KLHL3: variants seen among roughly 807,000 people sequenced by gnomAD.
KLHL3 encodes the protein kelch-like protein 3.
Under a neutral mutation model 70.5 loss-of-function variants are expected in KLHL3, and 19 were observed. The ratio of observed to expected loss-of-function variants is 0.27; its 90% CI spans 0.19 to 0.40. KLHL3 has a LOEUF of 0.40. Ranked by LOEUF, KLHL3 falls within the 10% of genes least tolerant of loss-of-function variation. The pLI is 1.00. For synonymous variants in KLHL3, 258 were observed against 290.3 expected (o/e 0.89, Z 1.13); for missense variants, 512 against 771.1 (o/e 0.66, Z 3.98).
chr5:137,692,496 C>A, intron 4 of KLHL3, 49 bp from the exon 5 acceptor site: 1 of 1,558,460 alleles, frequency 6.4e-7, no homozygotes. Flanking sequence ...CTGGCAGAGA[C>A]TCATCTGCCT....
chr5:137,683,793 C>CAT (rs1357577701), intron 5 of KLHL3, among the ~76,000 whole-genome samples: 2 of 151,702 alleles, frequency 1.3e-5, no homozygotes, highest in Non-Finnish European at 2.9e-5. Flanking sequence ...CTCACACACA[C>CAT]ACATGCACGC....
chr5:137,625,933 C>G (rs1750450118), intron 13 of KLHL3, 37 bp from the exon 14 acceptor site: 2 of 1,613,472 alleles, frequency 1.2e-6, no homozygotes, highest in East Asian at 2.2e-5. Flanking sequence ...GACATCACAG[C>G]AGGTGCACTA....
At chr5:137,671,335 T>C (rs1751753345) in intron 6 of KLHL3, among the ~76,000 whole-genome samples, 1 of 152,150 alleles carries the variant, frequency 6.6e-6, no homozygotes, top group Admixed American at 6.5e-5. Flanking sequence ...TACAACAACC[T>C]GGAATAAAAT....
intron 8 of KLHL3, among the ~76,000 whole-genome samples, chr5:137,644,117 G>T (rs1475970010): frequency 6.6e-6 from 1 of 152,100 alleles, no homozygotes; most frequent in Non-Finnish European, 1.5e-5. Flanking sequence ...CACCAAGGCT[G>T]AAGTGCAATG....
intron 8 of KLHL3, 33 bp from the exon 9 acceptor site, chr5:137,640,010 A>G: frequency 6.3e-7 from 1 of 1,582,164 alleles, no homozygotes; most frequent in Non-Finnish European, 8.7e-7. Context: ...TAGCGGGGTC[A>G]CCCCAAAATC....
intron 5 of KLHL3, among the ~76,000 whole-genome samples, chr5:137,683,017 A>C (rs541242914): frequency 6.6e-6 from 1 of 152,326 alleles, no homozygotes; most frequent in East Asian, 1.9e-4. Context: ...AATATATGTA[A>C]AATGCTTAGA....
At chr5:137,678,389 T>C (rs994911133) in intron 5 of KLHL3, among the ~76,000 whole-genome samples, 8 of 152,236 alleles carry the variant, frequency 5.3e-5, no homozygotes, top group Admixed American at 3.9e-4. Flanking sequence ...CCTGACATTT[T>C]TCCAGGCCAT....
At chr5:137,723,829 C>T (rs1324418418) in intron 1 of KLHL3, among the ~76,000 whole-genome samples, 1 of 152,164 alleles carries the variant, frequency 6.6e-6, no homozygotes, top group African/African-American at 2.4e-5. Flanking sequence ...AATGTTCCCC[C>T]ATTATGTATG....
intron 7 of KLHL3, 60 bp downstream of exon 7, chr5:137,661,855 T>C (rs759673581): frequency 6.4e-6 from 6 of 943,992 alleles, no homozygotes; most frequent in East Asian, 2.4e-5. Flanking sequence ...GGATTGCCCA[T>C]TGCTATTCCT....
chr5:137,677,791 AAGAC>A (rs1490192195), intron 5 of KLHL3, 137 bp from the exon 6 acceptor site: 1 of 508,914 alleles, frequency 2.0e-6, no homozygotes, highest in Non-Finnish European at 3.4e-6. Context: ...GAGTGAAACA[AAGAC>A]AGAGACATCA....
At chr5:137,689,861 C>T (rs1752273513) in intron 5 of KLHL3, among the ~76,000 whole-genome samples, 1 of 152,164 alleles carries the variant, frequency 6.6e-6, no homozygotes. Flanking sequence ...ACTCCCCAAA[C>T]CTCAGACAAC....
In KLHL3 at chr5:137,713,805, T is replaced by C. The variant is rs946424390; in HGVS notation, c.135-3949A>G. Among the ~76,000 whole-genome samples, 21 of 152,202 alleles carry C rather than the reference T, an allele frequency of 1.4e-4. 1 individual carries two copies. The highest frequency in any genetic ancestry group is 6.3e-3 in the Middle Eastern group (2 of 316). On this transcript the variant is annotated intron_variant, in intron 2 of 14. Transcript: ENST00000309755. ...CCTGATAATGAGCTTGTATCTAGAA[T>C]ATGTGAAGAACTCAAACTGTTACAA...
Position 137,677,525 on chromosome 5 carries a change from C to G in KLHL3, c.636+20G>C. Reference sequence around the variant, plus strand: ...ACCTGACGAGTGAGGTTCCCGTTTCCCCAGTGAGCCATGTCATACCTTCTC... The same window carrying G: ...ACCTGACGAGTGAGGTTCCCGTTTCGCCAGTGAGCCATGTCATACCTTCTC... On this transcript the variant is annotated intron_variant, in intron 6 of 14. Transcript: ENST00000309755. 1 of 1,441,250 alleles carries G rather than the reference C, an allele frequency of 6.9e-7. No homozygotes were observed. Among genetic ancestry groups the G allele is most frequent in the Non-Finnish European group, 9.6e-7 (1 of 1,039,660 alleles). 89.3% of individuals were successfully genotyped at this position (1,441,250 alleles called of 1,614,324 possible). A position where few individuals can be genotyped will look rare whatever the true frequency, so the allele number is the denominator to read the frequency against.
chr5:137,633,890 A>T, intron 12 of KLHL3, 147 bp downstream of exon 12: 1 of 1,038,076 alleles, frequency 9.6e-7, no homozygotes, highest in Non-Finnish European at 1.4e-6. Context: ...TGATGGGTAC[A>T]CTAGAAGCCC....
chr5:137,641,912 C>T (rs1750922526), intron 8 of KLHL3, among the ~76,000 whole-genome samples: 1 of 152,194 alleles, frequency 6.6e-6, no homozygotes, highest in Non-Finnish European at 1.5e-5. Flanking sequence ...TCCTGGGTGC[C>T]TCAGCTCAGA....
At chr5:137,679,641 T>TA (rs1561603077) in intron 5 of KLHL3, among the ~76,000 whole-genome samples, 2 of 152,124 alleles carry the variant, frequency 1.3e-5, no homozygotes, top group African/African-American at 4.8e-5. Flanking sequence ...GGGAACAAAT[T>TA]AGAAATCCTT....
At chr5:137,686,045 A>G (rs2149913096) in intron 5 of KLHL3, among the ~76,000 whole-genome samples, 1 of 152,378 alleles carries the variant, frequency 6.6e-6, no homozygotes, top group Middle Eastern at 3.4e-3. Context: ...TTAGAGAAGG[A>G]AAAGAAACAG....
intron 1 of KLHL3, among the ~76,000 whole-genome samples, chr5:137,734,333 A>AC (rs1023939669): frequency 3.3e-5 from 5 of 151,980 alleles, no homozygotes; most frequent in African/African-American, 1.2e-4. Flanking sequence ...AGCAGGCCTC[A>AC]CAGAGTTCAA....
intron 5 of KLHL3, among the ~76,000 whole-genome samples, chr5:137,690,123 C>A (rs1752281223): frequency 6.6e-6 from 1 of 152,180 alleles, no homozygotes; most frequent in Non-Finnish European, 1.5e-5. Context: ...GTCAGTAGAT[C>A]GAGACCATCT....
Sources: allele counts gnomAD v4.1 joint callset (sites outside exome capture counted in the v4.1 genomes callset), GRCh38; gene constraint gnomAD v4.1.1; transcripts MANE v1.5; gene names NCBI Gene and HGNC (gene_info 2026-07-23, HGNC 2026-07-21).